COL18A1: variants seen among roughly 807,000 people sequenced by gnomAD.
COL18A1 encodes the protein collagen alpha-1(XVIII) chain.
A neutral mutation model predicts 168.0 loss-of-function variants in COL18A1; 133 were observed. That is an observed-to-expected ratio of 0.79 (90% confidence interval 0.69 to 0.91). COL18A1 has a LOEUF of 0.91. COL18A1 is among the 40% of genes least tolerant of loss of function. The pLI is 0.00. For missense variants in COL18A1, 2,126 were observed against 1,925.4 expected (o/e 1.10, Z -1.95); for synonymous variants, 949 against 809.0 (o/e 1.17, Z -2.94).
chr21:45,478,688 G>A (rs1602491712), intron 9 of COL18A1, among the ~76,000 whole-genome samples: 1 of 152,248 alleles, frequency 6.6e-6, no homozygotes, highest in Non-Finnish European at 1.5e-5. Flanking sequence ...CGGCGGGGGA[G>A]GGAAGCACGG....
chr21:45,473,769 G>T lies in COL18A1; in HGVS notation c.652-126G>T. On this transcript the variant is annotated intron_variant, in intron 3 of 41. Coordinates refer to ENST00000651438, the MANE Select transcript of COL18A1 (RefSeq NM_001379500.1). This position sits in a 1 kb window ranked among gnomAD's most constrained non-coding sequence, Gnocchi z 4.0. ...CCGCACCCCCAGGGAGGCTGCCCGA[G>T]ACCCCTTCCCTCTCCGAGACTCTCC... 1.2e-6 allele frequency: 1 copy of T among 805,294 alleles called. No individual in the cohort carries two copies. Among genetic ancestry groups the T allele is most frequent in the South Asian group, 1.5e-5 (1 of 68,876 alleles). 49.9% of individuals were successfully genotyped at this position (805,294 alleles called of 1,614,324 possible). A position where few individuals can be genotyped will look rare whatever the true frequency, so the allele number is the denominator to read the frequency against.
At chr21:45,486,803 G>C in intron 15 of COL18A1, 58 bp from the exon 16 acceptor site, 1 of 1,519,804 alleles carries the variant, frequency 6.6e-7, no homozygotes, top group South Asian at 1.2e-5. Context: ...CTACGCTGGG[G>C]TTGCAGGGCC....
intron 14 of COL18A1, chr21:45,482,350 CG>C (rs746625325): frequency 1.5e-6 from 1 of 679,580 alleles, no homozygotes; most frequent in Non-Finnish European, 2.7e-6. Context: ...CGCAAGGAGC[CG>C]GGGCCCCAGG....
At chr21:45,480,027 G>A in intron 10 of COL18A1, 43 bp from the exon 11 acceptor site, 1 of 1,611,494 alleles carries the variant, frequency 6.2e-7, no homozygotes, top group Non-Finnish European at 8.5e-7. Context: ...GGTGGGGGCT[G>A]TGTGCGTGCC....
intron 2 of COL18A1, among the ~76,000 whole-genome samples, chr21:45,412,684 C>T (rs2033334042): frequency 6.6e-6 from 1 of 152,234 alleles, no homozygotes. Flanking sequence ...CCACTTTGCT[C>T]ATCTGTGGTG....
chr21:45,497,817 TGG>T, intron 32 of COL18A1, 156 bp downstream of exon 32: 1 of 1,018,578 alleles, frequency 9.8e-7, no homozygotes, highest in South Asian at 1.5e-5. Context: ...TCTGGGTTGA[TGG>T]GGGCCTCATA....
rs1356177904 is a variant in COL18A1, at chr21:45,490,293, G to A, written c.1978G>A (p.Gly660Arg). 1 of 1,587,446 alleles carries A rather than the reference G, an allele frequency of 6.3e-7. No homozygotes were observed. The highest frequency in any genetic ancestry group is 1.1e-5 in the South Asian group (1 of 87,298). The stretch of plus-strand genomic sequence containing the variant: ...CTTTCAGGGAGAAGTTGGAGCAGAT[G>A]GAGTCCCCGGGTTCCCCGGCCTCCC... The part of the protein sequence containing the change: ...PGAKGEVGAD[G>R]VPGFPGLPGR... Residue 660 changes from glycine to arginine, a missense_variant, in exon 20 of 42, where the codon GGA (glycine) becomes AGA (arginine). Gly to Arg is a moderately radical substitution (Grantham distance 125). Coordinates refer to ENST00000651438, the MANE Select transcript of COL18A1 (RefSeq NM_001379500.1).
intron 2 of COL18A1, among the ~76,000 whole-genome samples, chr21:45,442,584 G>A (rs2034398168): frequency 6.6e-6 from 1 of 152,228 alleles, no homozygotes; most frequent in African/African-American, 2.4e-5. Flanking sequence ...TGGCAGTCCT[G>A]GTGTGGGCGG....
At position 45,477,633 on chromosome 21, in the gene COL18A1, T is replaced by C. The variant is rs1365398559; in HGVS notation, c.1006-117T>C. 3 of 1,261,858 alleles carry C rather than the reference T, an allele frequency of 2.4e-6. No individual in the cohort carries two copies. In the African/African-American group the frequency reaches 4.4e-5, roughly 19 times the overall value. The allele number at this position is 1,261,858 out of a possible 1,614,324, so 78.2% of individuals were successfully genotyped here. A position where few individuals can be genotyped will look rare whatever the true frequency, so the allele number is the denominator to read the frequency against. Reference sequence around the variant, plus strand: ...ACTCGGTGCCAGCATGCGTCCACCCTGCGTGTCCACTGTGGGAAGCAGCCC... The same window carrying C: ...ACTCGGTGCCAGCATGCGTCCACCCCGCGTGTCCACTGTGGGAAGCAGCCC... On this transcript the variant is annotated intron_variant, in intron 7 of 41. Coordinates refer to ENST00000651438, the MANE Select transcript of COL18A1 (RefSeq NM_001379500.1).
intron 2 of COL18A1, chr21:45,456,226 C>T (rs1315771037): frequency 6.2e-7 from 1 of 1,605,228 alleles, no homozygotes; most frequent in Non-Finnish European, 8.5e-7. Flanking sequence ...CCTGGGGAAG[C>T]CTGCAGGACC....
At chr21:45,510,528 C>T (rs9983151) in intron 40 of COL18A1, among the ~76,000 whole-genome samples, 3,082 of 152,224 alleles carry the variant, frequency 0.02, 62 homozygotes, top group African/African-American at 0.054. Context: ...GCTCCCCCGG[C>T]AGTGCCCCTC....
chr21:45,503,537 C>CA (rs1374626675), intron 32 of COL18A1, among the ~76,000 whole-genome samples: 1 of 149,384 alleles, frequency 6.7e-6, no homozygotes, highest in East Asian at 2.0e-4. Context: ...ATTGCAAGAA[C>CA]AAAAAACCAA....
rs753676705 is a variant in COL18A1, at chr21:45,437,768, GCA to G, written c.107-30462_107-30461del. ...CACACTCAGACACAGGCACTCTCCTGCACACACACACACTCACTCACACACAG... is the reference window on the plus strand; with the variant it reads ...CACACTCAGACACAGGCACTCTCCTGCACACACACACTCACTCACACACAG... On this transcript the variant is annotated intron_variant, in intron 2 of 41. Transcript: ENST00000651438. Among the ~76,000 whole-genome samples the G allele has an allele frequency of 9.3e-4, 43 of 46,426 alleles. 1 individual carries two copies. Among genetic ancestry groups the G allele is most frequent in the East Asian group, 1.2e-3 (2 of 1,674 alleles). The allele number at this position is 46,426 out of a possible 152,430, so 30.5% of individuals were successfully genotyped here.
chr21:45,405,300 C>CTGGGTCCTGCGGGGGTCGA, intron 1 of COL18A1, 59 bp downstream of exon 1: 1 of 563,012 alleles, frequency 1.8e-6, no homozygotes, highest in Non-Finnish European at 2.2e-6. Context: ...GCGGGGGTCG[C>CTGGGTCCTGCGGGGGTCGA]GGGGGTCGCG....
chr21:45,497,493 C>A, intron 31 of COL18A1, 106 bp from the exon 32 acceptor site: 4 of 1,428,180 alleles, frequency 2.8e-6, no homozygotes, highest in South Asian at 1.2e-5. Flanking sequence ...ATCTGATGCC[C>A]CCCCATCCAG....
Position 45,405,364 on chromosome 21 carries a change from G to A in COL18A1, c.12-15G>A. 2 of 1,233,874 alleles carry A rather than the reference G, an allele frequency of 1.6e-6. No individual in the cohort carries two copies. The highest frequency in any genetic ancestry group is 2.0e-6 in the Non-Finnish European group (2 of 989,072). 76.4% of individuals were successfully genotyped at this position (1,233,874 alleles called of 1,614,324 possible). ...GGGGGTCCTGCGGGGTCTGACCCGT[G>A]CCTGTCCCGCGCAGGTGCCCCTGGC... On this transcript the variant is annotated splice_polypyrimidine_tract_variant and intron_variant, in intron 1 of 41. Coordinates refer to ENST00000651438, the MANE Select transcript of COL18A1 (RefSeq NM_001379500.1).
At chr21:45,493,884 G>C (rs1166066394) in intron 26 of COL18A1, 1 of 436,272 alleles carries the variant, frequency 2.3e-6, no homozygotes, top group African/African-American at 2.0e-5. Flanking sequence ...TGGGGTGCAG[G>C]AGCCCAGGCT....
chr21:45,452,818 G>C (rs530862325), intron 2 of COL18A1, among the ~76,000 whole-genome samples: 1 of 151,630 alleles, frequency 6.6e-6, no homozygotes, highest in Non-Finnish European at 1.5e-5. Context: ...GTGTATGCAT[G>C]TGAGCATGTA....
At chr21:45,496,277 G>A (rs1016128967) in intron 29 of COL18A1, 4 of 708,808 alleles carry the variant, frequency 5.6e-6, no homozygotes. Context: ...TCCTCCCGAG[G>A]GACGTCTGTG....
Sources: gnomAD v4.1 joint callset for allele counts (sites outside exome capture counted in the v4.1 genomes callset) on GRCh38, gnomAD v4.1.1 for gene constraint, Gnocchi (gnomAD v3.1) non-coding constraint, MANE v1.5 for transcripts, NCBI Gene and HGNC (gene_info 2026-07-23, HGNC 2026-07-21) for gene names.